Variants in DCP2 observed in about 807,000 individuals in gnomAD.
The protein encoded by DCP2 is decapping mRNA 2.
In DCP2, 30 loss-of-function variants were observed where a neutral mutation model predicts 56.1. The observed-to-expected ratio is 0.53, with a 90% CI of 0.40 to 0.73. The LOEUF is 0.73. DCP2 is among the 30% of genes least tolerant of loss of function. The pLI is 0.00. For synonymous variants in DCP2, 197 were observed against 163.3 expected (o/e 1.21, Z -1.57); for missense variants, 533 against 502.7 (o/e 1.06, Z -0.58).
intron 1 of DCP2, among the ~76,000 whole-genome samples, chr5:112,977,738 G>C (rs185034828): frequency 2.0e-5 from 3 of 152,150 alleles, no homozygotes; most frequent in Non-Finnish European, 2.9e-5. Flanking sequence ...ACACGTGTAG[G>C]ATACTTAAAA....
intron 2 of DCP2, among the ~76,000 whole-genome samples, chr5:112,990,228 G>A (rs570842852): frequency 3.9e-5 from 6 of 152,220 alleles, no homozygotes; most frequent in Admixed American, 2.6e-4. Context: ...ATACGTTCTC[G>A]AGCCACATCC....
chr5:113,002,422 CA>C (rs60697650), intron 7 of DCP2, among the ~76,000 whole-genome samples: 1,808 of 81,268 alleles, frequency 0.022, 21 homozygotes, highest in African/African-American at 0.058. Flanking sequence ...GACTCGGTCT[CA>C]AAAAAAAAAA....
chr5:113,001,648 G>T lies in DCP2; in HGVS notation c.780G>T (p.Pro260=), dbSNP rs756434131. The change falls in exon 7 of 11, where the codon CCG becomes CCT. Residue 260 remains proline, a synonymous_variant. Coordinates refer to ENST00000389063, the MANE Select transcript of DCP2 (RefSeq NM_152624.6). ...GATTTTCCTCAACTGGTAGCACGCCGGCTAAACCCACTGTGGAAAAATTGA... is the reference window on the plus strand; with the variant it reads ...GATTTTCCTCAACTGGTAGCACGCCTGCTAAACCCACTGTGGAAAAATTGA... The part of the protein sequence containing the change: ...DNGFSSTGST[P]AKPTVEKLSR... 39 of 1,613,972 alleles carry T rather than the reference G, an allele frequency of 2.4e-5. No homozygotes were observed. The highest frequency in any genetic ancestry group is 3.1e-5 in the Non-Finnish European group (37 of 1,179,998).
Position 113,019,905 on chromosome 5 carries a change from A to G in DCP2, c.*6421A>G, listed in dbSNP as rs1750034672. The G allele has an allele frequency of 6.6e-6, 1 of 152,226 alleles. No homozygotes were observed. The highest frequency in any genetic ancestry group is 2.4e-5 in the African/African-American group (1 of 41,456). 9.4% of individuals were successfully genotyped at this position (152,226 alleles called of 1,614,324 possible). On this transcript the variant is annotated 3_prime_UTR_variant, in exon 11 of 11. Transcript: ENST00000389063. Reference sequence around the variant, plus strand: ...TTTTAAGTGAAGTTCTCTTAATAAGATTGCCTTTTGTCTAACCGAAATAGG... The same window carrying G: ...TTTTAAGTGAAGTTCTCTTAATAAGGTTGCCTTTTGTCTAACCGAAATAGG...
intron 2 of DCP2, among the ~76,000 whole-genome samples, chr5:112,989,681 C>T (rs1179635453): frequency 6.6e-6 from 1 of 152,108 alleles, no homozygotes; most frequent in Admixed American, 6.5e-5. Context: ...TGACAACTGC[C>T]ATCATACCCT....
At chr5:112,995,501 A>G (rs967304004) in intron 4 of DCP2, among the ~76,000 whole-genome samples, 1 of 152,098 alleles carries the variant, frequency 6.6e-6, no homozygotes, top group Non-Finnish European at 1.5e-5. Flanking sequence ...CAGGAAGAGG[A>G]TATTACATTG....
At chr5:112,981,077 T>G (rs1035657497) in intron 1 of DCP2, among the ~76,000 whole-genome samples, 1 of 152,082 alleles carries the variant, frequency 6.6e-6, no homozygotes, top group African/African-American at 2.4e-5. Context: ...GGCATGATCA[T>G]AGCTCACTGC....
chr5:113,001,493 T>G, intron 6 of DCP2, 24 bp downstream of exon 6: 1 of 1,610,092 alleles, frequency 6.2e-7, no homozygotes, highest in South Asian at 1.1e-5. Context: ...TCTTGAAATG[T>G]AACTTTCATG....
At chr5:112,977,014 C>T in intron 1 of DCP2, 28 bp downstream of exon 1, 1 of 1,479,504 alleles carries the variant, frequency 6.8e-7, no homozygotes, top group African/African-American at 1.4e-5. Flanking sequence ...CCCCTTTCGC[C>T]CCCGTCGGGT....
At chr5:113,005,029 C>T (rs1054119144) in intron 8 of DCP2, among the ~76,000 whole-genome samples, 5 of 151,478 alleles carry the variant, frequency 3.3e-5, no homozygotes, top group East Asian at 3.9e-4. Flanking sequence ...AGATAGAGCC[C>T]GAGGCAGGAG....
intron 8 of DCP2, among the ~76,000 whole-genome samples, chr5:113,005,796 C>T (rs1320958111): frequency 6.6e-6 from 1 of 152,120 alleles, no homozygotes; most frequent in Non-Finnish European, 1.5e-5. Flanking sequence ...GTGGTGTATA[C>T]ACATAATGGA....
At chr5:112,994,206 C>T (rs1275957532) in intron 4 of DCP2, among the ~76,000 whole-genome samples, 1 of 107,110 alleles carries the variant, frequency 9.3e-6, no homozygotes, top group African/African-American at 3.7e-5. Context: ...GGGTCTTGCT[C>T]TGTTACTGAG....
At position 113,015,920 on chromosome 5, in the gene DCP2, A is replaced by C. The variant is rs138356056; in HGVS notation, c.*2436A>C. The C allele has an allele frequency of 3.2e-3, 491 of 152,760 alleles. 3 individuals carry two copies. The highest frequency in any genetic ancestry group is 0.02 in the Middle Eastern group (6 of 294). The allele number at this position is 152,760 out of a possible 1,614,324, so 9.5% of individuals were successfully genotyped here. On this transcript the variant is annotated 3_prime_UTR_variant, in exon 11 of 11. Coordinates refer to ENST00000389063, the MANE Select transcript of DCP2 (RefSeq NM_152624.6). ...GAGTATGCTGAATATGCAATCATTT[A>C]CTTCTACTGAGTGCTGCATTTTAAG...
In DCP2 at chr5:112,979,852, T is replaced by A. The variant is rs116213585; in HGVS notation, c.53+2866T>A. 1.0e-2 allele frequency among the ~76,000 whole-genome samples: 1,518 copies of A among 152,276 alleles called. 28 individuals are homozygous for A. The highest frequency in any genetic ancestry group is 0.034 in the African/African-American group (1,414 of 41,532). ...GTACACAGTATACTGAGTGAAATACTTATTTAGTCCCTTGGTGCCTTTTGT... is the reference window on the plus strand; with the variant it reads ...GTACACAGTATACTGAGTGAAATACATATTTAGTCCCTTGGTGCCTTTTGT... On this transcript the variant is annotated intron_variant, in intron 1 of 10. Transcript: ENST00000389063.
At chr5:113,005,739 G>T (rs566338518) in intron 8 of DCP2, among the ~76,000 whole-genome samples, 7 of 152,300 alleles carry the variant, frequency 4.6e-5, no homozygotes, top group Non-Finnish European at 8.8e-5. Flanking sequence ...ATAGCCAAAA[G>T]GTGGAAACAA....
chr5:112,978,140 C>T (rs1358053237), intron 1 of DCP2, among the ~76,000 whole-genome samples: 1 of 152,062 alleles, frequency 6.6e-6, no homozygotes, highest in Non-Finnish European at 1.5e-5. Context: ...CCACACCCGG[C>T]TAATTTTTGT....
rs188967692 is a variant in DCP2 at position 113,019,501 on chromosome 5, T to C, written c.*6017T>C. On this transcript the variant is annotated 3_prime_UTR_variant, in exon 11 of 11. Coordinates refer to ENST00000389063, the MANE Select transcript of DCP2 (RefSeq NM_152624.6). ...TGTTAGGATGTTGCACAAGTAATCA[T>C]TTAATGTTAAATGCAAGTGTCCAAA... 2.0e-5 allele frequency: 3 copies of C among 152,220 alleles called. No individual in the cohort carries two copies. Among genetic ancestry groups the C allele is most frequent in the East Asian group, 3.8e-4 (2 of 5,198 alleles). The allele number at this position is 152,220 out of a possible 1,614,324, so 9.4% of individuals were successfully genotyped here. A position where few individuals can be genotyped will look rare whatever the true frequency, so the allele number is the denominator to read the frequency against.
chr5:113,018,127 T>C lies in DCP2; in HGVS notation c.*4643T>C, dbSNP rs987154431. 12 of 152,224 alleles carry C rather than the reference T, an allele frequency of 7.9e-5. No homozygotes were observed. The highest frequency in any genetic ancestry group is 1.9e-4 in the East Asian group (1 of 5,196). The allele number at this position is 152,224 out of a possible 1,614,324, so 9.4% of individuals were successfully genotyped here. A position where few individuals can be genotyped will look rare whatever the true frequency, so the allele number is the denominator to read the frequency against. The stretch of plus-strand genomic sequence containing the variant: ...ACATTTGTCCTGAATGGTGATTCAT[T>C]CCTTTCCATCTAACTTCCTTGTGAC... On this transcript the variant is annotated 3_prime_UTR_variant, in exon 11 of 11. Transcript: ENST00000389063.
At chr5:112,993,544 T>A (rs2150177349) in intron 4 of DCP2, among the ~76,000 whole-genome samples, 1 of 149,678 alleles carries the variant, frequency 6.7e-6, no homozygotes, top group Non-Finnish European at 1.5e-5. Context: ...GAGAATCTCT[T>A]GAACTCGGGA....
Sources: gnomAD v4.1 joint callset for allele counts (sites outside exome capture counted in the v4.1 genomes callset) on GRCh38, gnomAD v4.1.1 for gene constraint, MANE v1.5 for transcripts, NCBI Gene and HGNC (gene_info 2026-07-23, HGNC 2026-07-21) for gene names.